TMEM161A: variants seen among roughly 807,000 people sequenced by gnomAD.
TMEM161A encodes adaptive response to oxidative stress protein 29.
Under a neutral mutation model 57.1 loss-of-function variants are expected in TMEM161A, and 46 were observed. That is an observed-to-expected ratio of 0.81 (90% CI 0.64 to 1.03). The LOEUF (loss-of-function observed/expected upper bound fraction) is 1.03, where lower values mean the gene tolerates loss of function less well. TMEM161A is among the 50% of genes least tolerant of loss of function. TMEM161A has a pLI of 0.00. For missense variants in TMEM161A, 601 were observed against 621.5 expected, an observed-to-expected ratio of 0.97 and a Z score of 0.35; for synonymous variants, 288 against 279.0, an observed-to-expected ratio of 1.03 and a Z score of -0.32.
chr19:19,121,772 C>T lies in TMEM161A; in HGVS notation c.643G>A (p.Gly215Ser). The T allele has an allele frequency of 6.2e-7, 1 of 1,614,028 alleles. No individual in the cohort carries two copies. Among genetic ancestry groups the T allele is most frequent in the Non-Finnish European group, 8.5e-7 (1 of 1,180,006 alleles). ...CCCAGGACTCACGCCCAGTCCCAGC[C>T]CTGCTTCTTCAGAAGTGGCTCTAAG... ...QNLEPLLKKQ[G>S]WDWALPVAKL... Residue 215 changes from glycine (G) to serine (S), a missense_variant, in exon 7 of 12, where the codon GGC becomes AGC. Gly to Ser is a moderately conservative substitution (Grantham distance 56). Transcript: ENST00000162044. This position sits in a 1 kb window ranked among gnomAD's most constrained non-coding sequence, Gnocchi z 5.8.
chr19:19,135,547 T>A (rs183376768), intron 1 of TMEM161A, among the ~76,000 whole-genome samples: 36 of 152,230 alleles, frequency 2.4e-4, no homozygotes, highest in African/African-American at 8.2e-4. Flanking sequence ...GGTGAGCTTA[T>A]TTATTTTTAT....
intron 1 of TMEM161A, among the ~76,000 whole-genome samples, 182 bp downstream of exon 1, chr19:19,138,244 A>C (rs547517371): frequency 6.6e-6 from 1 of 152,324 alleles, no homozygotes; most frequent in South Asian, 2.1e-4. Flanking sequence ...ACTCCCTCGG[A>C]GGTCCTGTAG....
intron 6 of TMEM161A, among the ~76,000 whole-genome samples, chr19:19,127,679 C>T (rs557907955): frequency 6.6e-6 from 1 of 152,006 alleles, no homozygotes; most frequent in African/African-American, 2.4e-5. Context: ...CCTGTCATCC[C>T]AGCACGTTGG....
intron 1 of TMEM161A, among the ~76,000 whole-genome samples, chr19:19,136,964 C>T (rs1186848801): frequency 9.8e-6 from 1 of 102,036 alleles, no homozygotes; most frequent in Non-Finnish European, 1.8e-5. Flanking sequence ...GTCTGTTTTT[C>T]TCCTCTCTCT....
chr19:19,132,933 A>G lies in TMEM161A; in HGVS notation c.189-179T>C. On this transcript the variant is annotated intron_variant, in intron 3 of 11. Coordinates refer to ENST00000162044, the MANE Select transcript of TMEM161A (RefSeq NM_017814.3). This position sits in a 1 kb window ranked among gnomAD's most constrained non-coding sequence, Gnocchi z 4.3. ...ACAGGACTGGCTAGAGCAAACTGCC[A>G]GGAAACAGATGCTAACTTGACAGTG... 1.4e-6 allele frequency: 1 copy of G among 715,988 alleles called. No individual in the cohort carries two copies. The highest frequency in any genetic ancestry group is 2.3e-6 in the Non-Finnish European group (1 of 438,802). 44.4% of individuals were successfully genotyped at this position (715,988 alleles called of 1,614,324 possible). A position where few individuals can be genotyped will look rare whatever the true frequency, so the allele number is the denominator to read the frequency against.
At position 19,121,909 on chromosome 19, in the gene TMEM161A, C is replaced by T. The variant is rs1023785717; in HGVS notation, c.596-90G>A. On this transcript the variant is annotated intron_variant, in intron 6 of 11. Transcript: ENST00000162044. The surrounding 1 kb of genome is among the most constrained non-coding windows in gnomAD (Gnocchi z 5.8). Reference sequence around the variant, plus strand: ...CCTAACCCCCCATCCCTCAGGCATCCGTTTGCTTCCCAAGTAGGAATGAAC... The same window carrying T: ...CCTAACCCCCCATCCCTCAGGCATCTGTTTGCTTCCCAAGTAGGAATGAAC... 7 of 1,437,212 alleles carry T rather than the reference C, an allele frequency of 4.9e-6. No individual in the cohort carries two copies. The East Asian group carries it at 7.2e-5, about 15-fold the overall frequency. 89.0% of individuals were successfully genotyped at this position (1,437,212 alleles called of 1,614,324 possible).
At position 19,133,053 on chromosome 19, in the gene TMEM161A, C is replaced by T. The variant is rs1170413979; in HGVS notation, c.188+77G>A. On this transcript the variant is annotated intron_variant, in intron 3 of 11. Coordinates refer to ENST00000162044, the MANE Select transcript of TMEM161A (RefSeq NM_017814.3). ...CGGTCCTGTGTCCCTGAGCCCAGAGCCCCCTGAGCAGGGGTGAGGCCGTTC... is the reference window on the plus strand; with the variant it reads ...CGGTCCTGTGTCCCTGAGCCCAGAGTCCCCTGAGCAGGGGTGAGGCCGTTC... The T allele has an allele frequency of 3.7e-6, 5 of 1,366,342 alleles. No homozygotes were observed. In the South Asian group the frequency reaches 3.9e-5, roughly 11 times the overall value. The allele number at this position is 1,366,342 out of a possible 1,614,324, so 84.6% of individuals were successfully genotyped here.
chr19:19,133,353 A>G, intron 2 of TMEM161A, 143 bp from the exon 3 acceptor site: 1 of 692,132 alleles, frequency 1.4e-6, no homozygotes, highest in Non-Finnish European at 2.5e-6. Flanking sequence ...CAGCATGGGG[A>G]AATTCTGGGG....
At chr19:19,125,956 C>T (rs145392804) in intron 6 of TMEM161A, among the ~76,000 whole-genome samples, 2,306 of 151,774 alleles carry the variant, frequency 0.015, 53 homozygotes, top group African/African-American at 0.053. Flanking sequence ...TGGTGAAACC[C>T]CATCTCTAGT....
rs774557252 is a variant in TMEM161A, at chr19:19,132,355, GAGA to G, written c.437_439del (p.Phe146del). 2 of 1,612,246 alleles carry G rather than the reference GAGA, an allele frequency of 1.2e-6. No homozygotes were observed. Among genetic ancestry groups the G allele is most frequent in the South Asian group, 1.1e-5 (1 of 90,834 alleles). On this transcript the variant is annotated inframe_deletion, in exon 5 of 12. Coordinates refer to ENST00000162044, the MANE Select transcript of TMEM161A (RefSeq NM_017814.3). The surrounding 1 kb of genome is among the most constrained non-coding windows in gnomAD (Gnocchi z 4.3). ...AGGGAGCAGAGAGGAAGGATACATGGAGAAGGTCACCGTGAGCAGGCACCAGAA... is the reference window on the plus strand; with the variant it reads ...AGGGAGCAGAGAGGAAGGATACATGGAGGTCACCGTGAGCAGGCACCAGAA...
chr19:19,127,443 C>T (rs1250653827), intron 6 of TMEM161A, among the ~76,000 whole-genome samples: 1 of 151,772 alleles, frequency 6.6e-6, no homozygotes, highest in Non-Finnish European at 1.5e-5. Context: ...CCTCAGCCTC[C>T]CGAGTAGCTG....
chr19:19,125,001 G>T (rs1012028036), intron 6 of TMEM161A, among the ~76,000 whole-genome samples: 1 of 151,734 alleles, frequency 6.6e-6, no homozygotes, highest in Non-Finnish European at 1.5e-5. Flanking sequence ...ACAAAAGTGA[G>T]ACCTGGTAAA....
chr19:19,135,092 AC>A (rs1323571984), intron 1 of TMEM161A, among the ~76,000 whole-genome samples: 1 of 151,998 alleles, frequency 6.6e-6, no homozygotes, highest in African/African-American at 2.4e-5. Context: ...AGAGATCAAC[AC>A]CCACCCTCAC....
Position 19,120,844 on chromosome 19 carries a change from G to A in TMEM161A, c.1107C>T (p.Cys369=), listed in dbSNP as rs199971511. 1.7e-5 allele frequency: 28 copies of A among 1,613,322 alleles called. No individual in the cohort carries two copies. The highest frequency in any genetic ancestry group is 2.3e-5 in the Non-Finnish European group (27 of 1,180,038). ...ACTGCAAGCTCACCACGGTCACATA[G>A]CAGTAGACTCGGACCACCTGTGGGC... ...EIQQRVVRVY[C]YVTVVSLQYL... The change falls in exon 11 of 12, where the codon TGC becomes TGT. Residue 369 remains cysteine (C), a synonymous_variant. Transcript: ENST00000162044.
At position 19,137,611 on chromosome 19, in the gene TMEM161A, G is replaced by A. The variant is rs1386085114; in HGVS notation, c.3+815C>T. On this transcript the variant is annotated intron_variant, in intron 1 of 11. Coordinates refer to ENST00000162044, the MANE Select transcript of TMEM161A (RefSeq NM_017814.3). The stretch of plus-strand genomic sequence containing the variant: ...GGGAGCCTGTGCCTTCATCTCCTAC[G>A]GCGTCCTGCACCTCCGCCTGGGACG... Among the ~76,000 whole-genome samples the A allele has an allele frequency of 2.0e-5, 3 of 152,116 alleles. No homozygotes were observed. The East Asian group carries it at 5.8e-4, about 29-fold the overall frequency.
chr19:19,120,685 G>T (rs1186342539), intron 11 of TMEM161A, 80 bp downstream of exon 11: 3 of 758,906 alleles, frequency 4.0e-6, no homozygotes, highest in Non-Finnish European at 3.9e-6. Flanking sequence ...CCCCCACCGC[G>T]GTCCCCGCCA....
chr19:19,132,600 G>T lies in TMEM161A; in HGVS notation c.286+57C>A. 1.9e-6 allele frequency: 3 copies of T among 1,566,720 alleles called. No homozygotes were observed. In the South Asian group the frequency reaches 3.6e-5, roughly 19 times the overall value. On this transcript the variant is annotated intron_variant, in intron 4 of 11. Coordinates refer to ENST00000162044, the MANE Select transcript of TMEM161A (RefSeq NM_017814.3). This position sits in a 1 kb window ranked among gnomAD's most constrained non-coding sequence, Gnocchi z 4.3. ...TCAAATCCTCCCCACCCCCATGAGG[G>T]TGTGGAGACCTTCAGGGCTGAGGGA... is the stretch of plus-strand genomic sequence containing the variant.
intron 11 of TMEM161A, among the ~76,000 whole-genome samples, 195 bp downstream of exon 11, chr19:19,120,570 C>G (rs2059903970): frequency 1.3e-5 from 2 of 152,012 alleles, no homozygotes; most frequent in Non-Finnish European, 2.9e-5. Context: ...CACCCATCCC[C>G]AGGCTCCACT....
At chr19:19,137,238 A>G (rs1331506992) in intron 1 of TMEM161A, among the ~76,000 whole-genome samples, 1 of 151,764 alleles carries the variant, frequency 6.6e-6, no homozygotes, top group Non-Finnish European at 1.5e-5. Flanking sequence ...CCACCTCCCC[A>G]CAGCTCAGCT....
Sources: gnomAD v4.1 joint callset for allele counts (sites outside exome capture counted in the v4.1 genomes callset) on GRCh38, gnomAD v4.1.1 for gene constraint, Gnocchi (gnomAD v3.1) non-coding constraint, MANE v1.5 for transcripts, NCBI Gene and HGNC (gene_info 2026-07-23, HGNC 2026-07-21) for gene names.